The following RNF152 variants were observed in gnomAD, a reference collection of about 807,000 sequenced individuals.
RNF152 encodes ring finger protein 152, also known as E3 ubiquitin-protein ligase RNF152.
RNF152 carries 11 observed loss-of-function variants against 12.7 expected under a neutral mutation model. The observed-to-expected ratio is 0.86, with a 90% confidence interval of 0.54 to 1.43. The LOEUF is 1.43. Among genes scored for constraint, RNF152 ranks in the 40% most tolerant of loss-of-function variants. RNF152 has a pLI of 0.00. For missense variants in RNF152, 255 were observed against 274.8 expected, an observed-to-expected ratio of 0.93 and a Z score of 0.51; for synonymous variants, 113 against 120.3, an observed-to-expected ratio of 0.94 and a Z score of 0.40.
chr18:61,878,198 A>C (rs901036348), intron 1 of RNF152, among the ~76,000 whole-genome samples: 1 of 152,188 alleles, frequency 6.6e-6, no homozygotes, highest in Non-Finnish European at 1.5e-5. Context: ...ACTAGGGGTA[A>C]TTTTGTCCCC....
Position 61,813,725 on chromosome 18 carries a change from T to C in RNF152, c.*2127A>G, listed in dbSNP as rs1278267414. The C allele has an allele frequency of 1.3e-5, 2 of 152,236 alleles. No individual in the cohort carries two copies. The highest frequency in any genetic ancestry group is 1.5e-5 in the Non-Finnish European group (1 of 68,036). The allele number at this position is 152,236 out of a possible 1,614,324, so 9.4% of individuals were successfully genotyped here. A position where few individuals can be genotyped will look rare whatever the true frequency, so the allele number is the denominator to read the frequency against. ...TCACAAAATTAATCTGAATATGGCA[T>C]AGCTTAAAATTGCAAGGGCAAAGTC... On this transcript the variant is annotated 3_prime_UTR_variant, in exon 2 of 2. Coordinates refer to ENST00000312828, the MANE Select transcript of RNF152 (RefSeq NM_173557.3).
intron 1 of RNF152, among the ~76,000 whole-genome samples, chr18:61,880,403 A>T (rs1912407212): frequency 6.6e-6 from 1 of 152,182 alleles, no homozygotes; most frequent in African/African-American, 2.4e-5. Flanking sequence ...GGCAGTTAAG[A>T]GGAAGGACTC....
intron 1 of RNF152, among the ~76,000 whole-genome samples, chr18:61,831,253 C>A (rs1909928908): frequency 6.6e-6 from 1 of 152,204 alleles, no homozygotes; most frequent in Non-Finnish European, 1.5e-5. Flanking sequence ...ACAGCCACTT[C>A]TCGTCTTGTA....
In RNF152 at chr18:61,815,707, G is replaced by T; in HGVS notation, c.*145C>A. On this transcript the variant is annotated 3_prime_UTR_variant, in exon 2 of 2. Coordinates refer to ENST00000312828, the MANE Select transcript of RNF152 (RefSeq NM_173557.3). The stretch of plus-strand genomic sequence containing the variant: ...ACCGCACCTTCTGCCCTTTGTGTCT[G>T]TCTTGGGGTAATCAAGAGGCAACCC... 1.2e-6 allele frequency: 1 copy of T among 811,954 alleles called. No homozygotes were observed. The highest frequency in any genetic ancestry group is 2.0e-6 in the Non-Finnish European group (1 of 504,200). The allele number at this position is 811,954 out of a possible 1,614,324, so 50.3% of individuals were successfully genotyped here.
At position 61,816,439 on chromosome 18, in the gene RNF152, G is replaced by A; in HGVS notation, c.25C>T (p.Leu9=). 3 of 1,609,396 alleles carry A rather than the reference G, an allele frequency of 1.9e-6. No homozygotes were observed. Among genetic ancestry groups the A allele is most frequent in the Non-Finnish European group, 2.5e-6 (3 of 1,176,600 alleles). The change falls in exon 2 of 2, where the codon CTG becomes TTG. Residue 9 remains leucine, a synonymous_variant. Coordinates refer to ENST00000312828, the MANE Select transcript of RNF152 (RefSeq NM_173557.3). Reference sequence around the variant, plus strand: ...TTGAAACAGATCTGACATTCCAGCAGAGAGTCCTGGGACAGCGTCTCCATG... The same window carrying A: ...TTGAAACAGATCTGACATTCCAGCAAAGAGTCCTGGGACAGCGTCTCCATG... METLSQDS[L]LECQICFNYY... is the part of the protein sequence containing the mutation.
At chr18:61,873,012 A>G (rs1272989145) in intron 1 of RNF152, among the ~76,000 whole-genome samples, 3 of 152,162 alleles carry the variant, frequency 2.0e-5, no homozygotes, top group Non-Finnish European at 4.4e-5. Context: ...AGATTAATAT[A>G]TTTTAATGGA....
rs1434744156 is a variant in RNF152, at chr18:61,810,614, C to T, written c.*5238G>A. On this transcript the variant is annotated 3_prime_UTR_variant, in exon 2 of 2. Transcript: ENST00000312828. ...AGTGAGCTGAGATCATGCCATTGCA[C>T]TCTGGCCTGGGCACCAAGAGCAAAA... 1 of 152,210 alleles carries T rather than the reference C, an allele frequency of 6.6e-6. No individual in the cohort carries two copies. Among genetic ancestry groups the T allele is most frequent in the East Asian group, 1.9e-4 (1 of 5,194 alleles). 9.4% of individuals were successfully genotyped at this position (152,210 alleles called of 1,614,324 possible).
At chr18:61,854,182 T>C (rs1286633516) in intron 1 of RNF152, among the ~76,000 whole-genome samples, 2 of 152,346 alleles carry the variant, frequency 1.3e-5, no homozygotes, top group Middle Eastern at 3.4e-3. Flanking sequence ...GTTTTTCCTT[T>C]CACTCAGTTA....
chr18:61,824,083 A>T (rs1909545477), intron 1 of RNF152, among the ~76,000 whole-genome samples: 2 of 152,260 alleles, frequency 1.3e-5, no homozygotes, highest in Admixed American at 1.3e-4. Flanking sequence ...TAAAAATCAA[A>T]GTATATTGGA....
At chr18:61,844,109 AG>A (rs1599287850) in intron 1 of RNF152, among the ~76,000 whole-genome samples, 1 of 145,760 alleles carries the variant, frequency 6.9e-6, no homozygotes, top group East Asian at 2.0e-4. Flanking sequence ...AAAGAAAGAA[AG>A]AAAGAAAGAA....
chr18:61,860,523 G>A (rs61693209), intron 1 of RNF152, among the ~76,000 whole-genome samples: 11,033 of 152,282 alleles, frequency 0.072, 390 homozygotes, highest in South Asian at 0.099. Context: ...TAGTGAGGCT[G>A]GTGTAAAGAA....
chr18:61,824,211 T>C (rs1909551656), intron 1 of RNF152, among the ~76,000 whole-genome samples: 1 of 152,246 alleles, frequency 6.6e-6, no homozygotes, highest in South Asian at 2.1e-4. Flanking sequence ...AGATAAGGAT[T>C]CTAGCTCTTA....
chr18:61,887,794 G>A (rs1912766894), intron 1 of RNF152, among the ~76,000 whole-genome samples: 1 of 152,020 alleles, frequency 6.6e-6, no homozygotes, highest in East Asian at 1.9e-4. Context: ...AAACCTCAGT[G>A]AGGAGTGCAC....
intron 1 of RNF152, among the ~76,000 whole-genome samples, chr18:61,862,182 C>T (rs942122217): frequency 1.3e-4 from 20 of 152,174 alleles, no homozygotes; most frequent in Admixed American, 1.1e-3. Flanking sequence ...CTGCCTCCTC[C>T]ATCCTGACCC....
intron 1 of RNF152, among the ~76,000 whole-genome samples, chr18:61,878,933 A>G (rs1035704618): frequency 6.6e-6 from 1 of 152,218 alleles, no homozygotes; most frequent in African/African-American, 2.4e-5. Flanking sequence ...AAGAACTTAC[A>G]CTAGAGCTGG....
chr18:61,881,785 A>C (rs1024531349), intron 1 of RNF152, among the ~76,000 whole-genome samples: 2 of 152,220 alleles, frequency 1.3e-5, no homozygotes, highest in Non-Finnish European at 2.9e-5. Context: ...ATCTCCACGC[A>C]CAAGTTCTAC....
intron 1 of RNF152, among the ~76,000 whole-genome samples, chr18:61,833,506 T>C (rs112720047): frequency 3.0e-4 from 46 of 152,094 alleles, no homozygotes; most frequent in African/African-American, 1.1e-3. Context: ...TTGTCGAAAC[T>C]CCTCTGCGTT....
chr18:61,833,076 T>C (rs4941067), intron 1 of RNF152, among the ~76,000 whole-genome samples: 69,378 of 151,972 alleles, frequency 0.46, 16,321 homozygotes, highest in Non-Finnish European at 0.53. Context: ...ATTCCTCAGC[T>C]GTATCTACTA....
intron 1 of RNF152, among the ~76,000 whole-genome samples, chr18:61,826,918 T>C (rs1447686158): frequency 3.3e-5 from 5 of 152,180 alleles, no homozygotes; most frequent in African/African-American, 1.2e-4. Context: ...AATAACTGTT[T>C]CCAGACAACC....
Sources: allele counts gnomAD v4.1 joint callset (sites outside exome capture counted in the v4.1 genomes callset), GRCh38; gene constraint gnomAD v4.1.1; transcripts MANE v1.5; gene names NCBI Gene and HGNC (gene_info 2026-07-23, HGNC 2026-07-21).